Variants in NCOA2 observed in about 807,000 individuals in gnomAD.
NCOA2 encodes class E basic helix-loop-helix protein 75.
A neutral mutation model predicts 145.1 loss-of-function variants in NCOA2; 21 were observed. That is an observed-to-expected ratio of 0.14 (90% CI 0.10 to 0.21). The LOEUF (loss-of-function observed/expected upper bound fraction) is 0.21, where lower values mean the gene tolerates loss of function less well. NCOA2 is among the 10% of genes least tolerant of loss of function. The probability of loss-of-function intolerance (pLI) is 1.00; values close to 1 mark genes in which losing one functional copy is unlikely to be tolerated. For synonymous variants in NCOA2, 619 were observed against 637.5 expected, an observed-to-expected ratio of 0.97 and a Z score of 0.44; for missense variants, 1,472 against 1,837.6, an observed-to-expected ratio of 0.80 and a Z score of 3.64.
At chr8:70,428,470 A>T in the NCOA2 span, among the ~76,000 whole-genome samples, 2 of 152,032 alleles carry the variant, frequency 1.3e-5, no homozygotes, top group East Asian at 3.9e-4. Flanking sequence ...ATATAAAAAT[A>T]AAAATTAGTC....
chr8:70,385,427 CCAATT>C (rs1812575325), intron 1 of NCOA2, among the ~76,000 whole-genome samples: 2 of 152,086 alleles, frequency 1.3e-5, no homozygotes, highest in South Asian at 4.1e-4. Flanking sequence ...TCAAGAAACT[CCAATT>C]TTATTTTATT....
At chr8:70,445,115 C>T in the NCOA2 span, among the ~76,000 whole-genome samples, 459 of 152,132 alleles carry the variant, frequency 3.0e-3, 3 homozygotes, top group African/African-American at 0.011. Flanking sequence ...CACTTTTTTT[C>T]TTGCCTGTTT....
intron 2 of NCOA2, among the ~76,000 whole-genome samples, chr8:70,251,914 G>C (rs1035927008): frequency 6.6e-6 from 1 of 152,140 alleles, no homozygotes; most frequent in African/African-American, 2.4e-5. Flanking sequence ...TATCCACAGG[G>C]TATTGGTTCC....
At chr8:70,214,946 A>G (rs1204550258) in intron 3 of NCOA2, among the ~76,000 whole-genome samples, 1 of 152,114 alleles carries the variant, frequency 6.6e-6, no homozygotes, top group Non-Finnish European at 1.5e-5. Context: ...TTATTTGTAT[A>G]TAATACTAAT....
In NCOA2 at chr8:70,273,390, T is replaced by C; in HGVS notation, c.-20+23354A>G. On this transcript the variant is annotated intron_variant, in intron 2 of 22. Coordinates refer to ENST00000452400, the MANE Select transcript of NCOA2 (RefSeq NM_006540.4). ...TGCGACAAGATGAAAGAAACAATCA[T>C]GAACCAGGAAAAACTCGCCAAACTG... 5.4e-6 allele frequency: 4 copies of C among 740,108 alleles called. No individual in the cohort carries two copies. The East Asian group carries it at 1.1e-4, about 21-fold the overall frequency. 45.8% of individuals were successfully genotyped at this position (740,108 alleles called of 1,614,324 possible). A position where few individuals can be genotyped will look rare whatever the true frequency, so the allele number is the denominator to read the frequency against.
chr8:70,370,090 T>G (rs962778327), intron 1 of NCOA2, among the ~76,000 whole-genome samples: 2 of 152,080 alleles, frequency 1.3e-5, no homozygotes, highest in African/African-American at 4.8e-5. Context: ...CTCGCCATCT[T>G]GCCCAGCTGG....
the NCOA2 span, among the ~76,000 whole-genome samples, chr8:70,426,634 G>A: frequency 2.6e-5 from 4 of 152,298 alleles, no homozygotes; most frequent in African/African-American, 9.6e-5. Context: ...ATCCAAGTTC[G>A]TGGAGGGCAA....
rs71275063 is a variant in NCOA2, at chr8:70,301,655, CAAAAAAA to C, written c.-76-4862_-76-4856del. On this transcript the variant is annotated intron_variant, in intron 1 of 22. Transcript: ENST00000452400. ...TAGGTGACAGAGTGAGACCCTTTCTCAAAAAAAAAAAAAAAAAAAAAAAAAGAAAGAT... is the reference window on the plus strand; with the variant it reads ...TAGGTGACAGAGTGAGACCCTTTCTCAAAAAAAAAAAAAAAAAAGAAAGAT... 9.2e-3 allele frequency among the ~76,000 whole-genome samples: 554 copies of C among 60,184 alleles called. 4 individuals carry two copies. Among genetic ancestry groups the C allele is most frequent in the African/African-American group, 0.037 (522 of 14,296 alleles). 39.5% of individuals were successfully genotyped at this position (60,184 alleles called of 152,430 possible).
chr8:70,439,373 A>T, the NCOA2 span, among the ~76,000 whole-genome samples: 1 of 152,098 alleles, frequency 6.6e-6, no homozygotes, highest in Non-Finnish European at 1.5e-5. Context: ...GGCCAGTGAG[A>T]AGGAGGAACA....
intron 22 of NCOA2, among the ~76,000 whole-genome samples, chr8:70,114,271 C>A (rs1010111840): frequency 2.0e-5 from 3 of 152,124 alleles, no homozygotes; most frequent in Admixed American, 6.6e-5. Context: ...AGTGATCTGC[C>A]CGCCTTGGCC....
At chr8:70,416,652 G>A in the NCOA2 span, among the ~76,000 whole-genome samples, 1 of 152,226 alleles carries the variant, frequency 6.6e-6, no homozygotes, top group Non-Finnish European at 1.5e-5. Context: ...GAAGAGAAAT[G>A]TATTGACTCA....
intron 15 of NCOA2, among the ~76,000 whole-genome samples, chr8:70,136,247 A>G (rs1809720307): frequency 6.6e-6 from 1 of 152,132 alleles, no homozygotes; most frequent in Non-Finnish European, 1.5e-5. Context: ...CTGTAATCCC[A>G]GCTACTCAGG....
chr8:70,145,096 T>C (rs1163111804), intron 12 of NCOA2, among the ~76,000 whole-genome samples: 1 of 152,232 alleles, frequency 6.6e-6, no homozygotes, highest in Non-Finnish European at 1.5e-5. Flanking sequence ...TGTATATTAT[T>C]TACCATATAC....
intron 16 of NCOA2, 138 bp from the exon 17 acceptor site, chr8:70,129,118 C>A: frequency 1.2e-6 from 1 of 849,596 alleles, no homozygotes; most frequent in Non-Finnish European, 1.8e-6. Context: ...CACAAAGGTA[C>A]CTTTAGAGCT....
intron 1 of NCOA2, among the ~76,000 whole-genome samples, chr8:70,330,582 AC>A (rs1327728002): frequency 1.3e-5 from 2 of 150,944 alleles, no homozygotes; most frequent in African/African-American, 4.9e-5. Flanking sequence ...AAAAAAAAAA[AC>A]CCCAAAAAAC....
the NCOA2 span, among the ~76,000 whole-genome samples, chr8:70,413,097 CAAAAAAAAAAAA>C: frequency 1.7e-5 from 1 of 59,318 alleles, no homozygotes; most frequent in Non-Finnish European, 3.9e-5. Context: ...GACTCCGTCT[CAAAAAAAAAAAA>C]AAAAAAAAGA....
At chr8:70,242,043 C>T (rs79249256) in intron 2 of NCOA2, among the ~76,000 whole-genome samples, 5,229 of 152,180 alleles carry the variant, frequency 0.034, 303 homozygotes, top group African/African-American at 0.12. Flanking sequence ...AAGGCTATTA[C>T]GGTTTCAATA....
chr8:70,362,097 G>A (rs542330058), intron 1 of NCOA2, among the ~76,000 whole-genome samples: 18 of 152,244 alleles, frequency 1.2e-4, no homozygotes, highest in African/African-American at 4.3e-4. Context: ...TGGTGTGACA[G>A]GATTGATTTT....
intron 2 of NCOA2, among the ~76,000 whole-genome samples, chr8:70,257,842 C>CGT (rs1823767148): frequency 1.3e-5 from 2 of 151,486 alleles, no homozygotes. Flanking sequence ...CTTGGATCTG[C>CGT]GTCTCCCTGT....
Sources: allele counts gnomAD v4.1 joint callset (sites outside exome capture counted in the v4.1 genomes callset), GRCh38; gene constraint gnomAD v4.1.1; transcripts MANE v1.5; gene names NCBI Gene and HGNC (gene_info 2026-07-23, HGNC 2026-07-21).